ERBB4: variants seen among roughly 807,000 people sequenced by gnomAD.
ERBB4 encodes receptor tyrosine-protein kinase erbB-4.
A neutral mutation model predicts 158.0 loss-of-function variants in ERBB4; 42 were observed. The observed-to-expected ratio is 0.27, with a 90% CI of 0.21 to 0.34. ERBB4 has a LOEUF of 0.34. ERBB4 is among the 10% of genes least tolerant of loss of function. ERBB4 has a pLI of 1.00. For synonymous variants in ERBB4, 583 were observed against 558.7 expected, an observed-to-expected ratio of 1.04 and a Z score of -0.61; for missense variants, 1,333 against 1,624.1, an observed-to-expected ratio of 0.82 and a Z score of 3.08.
chr2:212,363,801 T>C lies in ERBB4; in HGVS notation c.82+174648A>G, dbSNP rs546908455. Among the ~76,000 whole-genome samples, 116 of 151,832 alleles carry C rather than the reference T, an allele frequency of 7.6e-4. 1 individual carries two copies. Among genetic ancestry groups the C allele is most frequent in the African/African-American group, 2.7e-3 (112 of 41,502 alleles). ...TGGTAGTGTGACAACTAAACCAGCC[T>C]CTATACATGATTATATATACATTTA... On this transcript the variant is annotated intron_variant, in intron 1 of 27. Coordinates refer to ENST00000342788, the MANE Select transcript of ERBB4 (RefSeq NM_005235.3).
At chr2:212,132,299 T>C (rs11680307) in intron 1 of ERBB4, among the ~76,000 whole-genome samples, 87,301 of 152,034 alleles carry the variant, frequency 0.57, 25,976 homozygotes, top group Non-Finnish European at 0.64. Flanking sequence ...ATGGGTGCTA[T>C]GCTGACAAGG....
At chr2:211,766,327 A>C (rs1245719482) in intron 4 of ERBB4, among the ~76,000 whole-genome samples, 1 of 152,196 alleles carries the variant, frequency 6.6e-6, no homozygotes, top group Non-Finnish European at 1.5e-5. Flanking sequence ...CTCCCTGTAG[A>C]TACCACATCC....
At chr2:211,882,728 G>A (rs537418868) in intron 3 of ERBB4, among the ~76,000 whole-genome samples, 50 of 152,282 alleles carry the variant, frequency 3.3e-4, no homozygotes, top group South Asian at 8.3e-4. Flanking sequence ...TCTTAAAATT[G>A]TTTAAGTATA....
intron 12 of ERBB4, among the ~76,000 whole-genome samples, chr2:211,701,541 G>A (rs1318422044): frequency 2.6e-5 from 4 of 151,694 alleles, no homozygotes; most frequent in African/African-American, 9.7e-5. Context: ...CGGATCACGA[G>A]GTCAGGAAAT....
chr2:212,476,197 C>T (rs958352123), intron 1 of ERBB4, among the ~76,000 whole-genome samples: 9 of 151,220 alleles, frequency 6.0e-5, no homozygotes, highest in African/African-American at 2.2e-4. Context: ...ACTTTCATTG[C>T]ATTTTCTCTT....
chr2:212,101,019 G>T (rs1010017339), intron 2 of ERBB4, among the ~76,000 whole-genome samples: 2 of 152,012 alleles, frequency 1.3e-5, no homozygotes. Context: ...GTCTGGGATA[G>T]TCAATTTTTA....
At chr2:212,185,274 G>C (rs747834531) in intron 1 of ERBB4, among the ~76,000 whole-genome samples, 2 of 151,650 alleles carry the variant, frequency 1.3e-5, no homozygotes, top group Non-Finnish European at 2.9e-5. Flanking sequence ...TGCTGGAATT[G>C]GCCTCCCAAA....
At chr2:211,515,564 T>G (rs927512161) in intron 20 of ERBB4, among the ~76,000 whole-genome samples, 1 of 151,972 alleles carries the variant, frequency 6.6e-6, no homozygotes. Flanking sequence ...GTTAGACACA[T>G]TGAATATGCC....
chr2:211,660,850 C>A (rs1018359940), intron 15 of ERBB4, among the ~76,000 whole-genome samples: 1 of 151,950 alleles, frequency 6.6e-6, no homozygotes, highest in Non-Finnish European at 1.5e-5. Context: ...TTGAGTAAAA[C>A]CAATTAACTG....
intron 1 of ERBB4, among the ~76,000 whole-genome samples, chr2:212,191,771 A>T (rs1020455302): frequency 1.4e-5 from 2 of 138,662 alleles, no homozygotes; most frequent in Non-Finnish European, 1.5e-5. Context: ...CATGTTATAT[A>T]TAACACGTGT....
chr2:211,648,785 G>C (rs1456315392), intron 16 of ERBB4, among the ~76,000 whole-genome samples: 1 of 151,688 alleles, frequency 6.6e-6, no homozygotes, highest in Non-Finnish European at 1.5e-5. Flanking sequence ...GTGACAACAA[G>C]GAAGTGGCTG....
intron 1 of ERBB4, among the ~76,000 whole-genome samples, chr2:212,141,350 C>T (rs1175450357): frequency 6.6e-6 from 1 of 151,824 alleles, no homozygotes; most frequent in South Asian, 2.1e-4. Context: ...AACTTGGCTC[C>T]CTGGTTCCCT....
At chr2:211,718,695 C>T (rs894538922) in intron 7 of ERBB4, among the ~76,000 whole-genome samples, 3 of 151,694 alleles carry the variant, frequency 2.0e-5, no homozygotes, top group African/African-American at 7.3e-5. Flanking sequence ...CAATCATATT[C>T]TTACACTTAT....
chr2:211,476,678 T>C (rs551447145), intron 20 of ERBB4, among the ~76,000 whole-genome samples: 6 of 152,132 alleles, frequency 3.9e-5, no homozygotes, highest in Middle Eastern at 6.8e-3. Context: ...CAAGCAGATA[T>C]TATGTTGAAT....
intron 12 of ERBB4, among the ~76,000 whole-genome samples, chr2:211,692,222 G>A (rs1417767776): frequency 1.3e-5 from 2 of 152,154 alleles, no homozygotes; most frequent in African/African-American, 4.8e-5. Flanking sequence ...TGCCTAAGAG[G>A]AAAGCAGAGT....
chr2:211,942,329 A>ATTTT (rs1411307100), intron 3 of ERBB4, among the ~76,000 whole-genome samples: 1 of 142,928 alleles, frequency 7.0e-6, no homozygotes, highest in Non-Finnish European at 1.5e-5. Context: ...TGGATGAAGC[A>ATTTT]TTTTATTTAT....
At chr2:212,144,586 A>C (rs553791206) in intron 1 of ERBB4, among the ~76,000 whole-genome samples, 179 of 152,322 alleles carry the variant, frequency 1.2e-3, no homozygotes, top group African/African-American at 4.2e-3. Context: ...TGAATCAGTT[A>C]CTCAATTTAC....
chr2:212,046,280 C>A (rs909671382), intron 2 of ERBB4, among the ~76,000 whole-genome samples: 2 of 152,162 alleles, frequency 1.3e-5, no homozygotes, highest in Non-Finnish European at 2.9e-5. Flanking sequence ...ATAAACTAAT[C>A]CCTTCACTTT....
At chr2:212,293,121 G>T (rs2086270872) in intron 1 of ERBB4, among the ~76,000 whole-genome samples, 1 of 151,792 alleles carries the variant, frequency 6.6e-6, no homozygotes, top group African/African-American at 2.4e-5. Flanking sequence ...TAAAACTCAA[G>T]CATTAGCTGA....
Sources: gnomAD v4.1 joint callset for allele counts (sites outside exome capture counted in the v4.1 genomes callset) on GRCh38, gnomAD v4.1.1 for gene constraint, MANE v1.5 for transcripts, NCBI Gene and HGNC (gene_info 2026-07-23, HGNC 2026-07-21) for gene names.